The following GNPAT variants were observed in gnomAD, a reference collection of about 807,000 sequenced individuals.
GNPAT encodes glyceronephosphate O-acyltransferase, also known as dihydroxyacetone phosphate acyltransferase.
In GNPAT, 30 loss-of-function variants were observed where a neutral mutation model predicts 78.4. The observed-to-expected ratio is 0.38, with a 90% CI of 0.29 to 0.52. GNPAT has a LOEUF of 0.52. GNPAT is among the 20% of genes least tolerant of loss of function. The pLI is 0.84. For synonymous variants in GNPAT, 271 were observed against 281.1 expected, an observed-to-expected ratio of 0.96 and a Z score of 0.36; for missense variants, 714 against 812.2, an observed-to-expected ratio of 0.88 and a Z score of 1.47.
At chr1:231,247,178 C>T (rs897384154) in intron 1 of GNPAT, among the ~76,000 whole-genome samples, 3 of 151,922 alleles carry the variant, frequency 2.0e-5, no homozygotes, top group African/African-American at 7.2e-5. Flanking sequence ...AAAAAAAAAC[C>T]ACTGGATTCG....
At chr1:231,246,142 T>G (rs1249666873) in intron 1 of GNPAT, among the ~76,000 whole-genome samples, 1 of 152,212 alleles carries the variant, frequency 6.6e-6, no homozygotes, top group Non-Finnish European at 1.5e-5. Context: ...TGTATAACTG[T>G]GTGCTACTGC....
intron 3 of GNPAT, among the ~76,000 whole-genome samples, chr1:231,261,961 A>G (rs1052583839): frequency 3.3e-5 from 5 of 152,164 alleles, no homozygotes; most frequent in Non-Finnish European, 7.3e-5. Flanking sequence ...AGAATGTTAC[A>G]GTGTTTGGGA....
Position 231,262,807 on chromosome 1 carries a change from C to T in GNPAT, c.523C>T (p.Leu175=). ...TGACTTCCTCATGTTGTCTTTTCTTCTATACAATTATGATTTGCCTGTGCC... is the reference window on the plus strand; with the variant it reads ...TGACTTCCTCATGTTGTCTTTTCTTTTATACAATTATGATTTGCCTGTGCC... ...YIDFLMLSFL[L]YNYDLPVPVI... is the part of the protein sequence containing the mutation. The change falls in exon 4 of 16, where the codon CTA becomes TTA. Residue 175 remains leucine, a synonymous_variant. Coordinates refer to ENST00000366647, the MANE Select transcript of GNPAT (RefSeq NM_014236.4). The T allele has an allele frequency of 1.2e-6, 2 of 1,609,756 alleles. No individual in the cohort carries two copies. The highest frequency in any genetic ancestry group is 1.7e-6 in the Non-Finnish European group (2 of 1,176,060).
At chr1:231,264,833 T>G (rs1226700251) in intron 4 of GNPAT, among the ~76,000 whole-genome samples, 1 of 152,220 alleles carries the variant, frequency 6.6e-6, no homozygotes, top group East Asian at 1.9e-4. Context: ...CTAAAGACAT[T>G]GACATCATGA....
chr1:231,273,509 T>C (rs1035032778), intron 11 of GNPAT, among the ~76,000 whole-genome samples: 1 of 151,998 alleles, frequency 6.6e-6, no homozygotes, highest in Non-Finnish European at 1.5e-5. Flanking sequence ...CCTCAGCCTC[T>C]CAAAGTGCTG....
chr1:231,270,461 A>C (rs1049767584), intron 9 of GNPAT, among the ~76,000 whole-genome samples: 2 of 152,212 alleles, frequency 1.3e-5, no homozygotes, highest in Non-Finnish European at 2.9e-5. Context: ...CCTGAAGTAC[A>C]CAGAAGTGGT....
chr1:231,262,960 C>G, intron 4 of GNPAT, 108 bp downstream of exon 4: 1 of 832,324 alleles, frequency 1.2e-6, no homozygotes, highest in Non-Finnish European at 2.0e-6. Flanking sequence ...GCCTCTCCTC[C>G]TTTCTTCCAG....
chr1:231,273,037 A>G (rs945485981), intron 11 of GNPAT, among the ~76,000 whole-genome samples: 3 of 152,156 alleles, frequency 2.0e-5, no homozygotes, highest in African/African-American at 7.2e-5. Context: ...AGTTGTTAGA[A>G]TGAGTCACCC....
intron 3 of GNPAT, among the ~76,000 whole-genome samples, chr1:231,261,897 C>A (rs1685232703): frequency 6.6e-6 from 1 of 152,086 alleles, no homozygotes; most frequent in African/African-American, 2.4e-5. Context: ...TCAAATATTT[C>A]TTCTTCCTAC....
rs777554613 is a variant in GNPAT, at chr1:231,275,300, C to T, written c.1823C>T (p.Thr608Ile). 3 of 1,611,874 alleles carry T rather than the reference C, an allele frequency of 1.9e-6. No homozygotes were observed. In the African/African-American group the frequency reaches 4.0e-5, roughly 22 times the overall value. Reference protein sequence around the residue: ...EQYLAAVRKFTSQLLDQGTSQ... With the variant: ...EQYLAAVRKFISQLLDQGTSQ... ...TACTTGGCTGCAGTCAGAAAATTCACAAGTCAGCTTCTCGATCAAGGTCAG... is the reference window on the plus strand; with the variant it reads ...TACTTGGCTGCAGTCAGAAAATTCATAAGTCAGCTTCTCGATCAAGGTCAG... The change falls in exon 13 of 16, where the codon ACA (threonine) becomes ATA (isoleucine). Residue 608 changes from threonine (T) to isoleucine (I), a missense_variant. Coordinates refer to ENST00000366647, the MANE Select transcript of GNPAT (RefSeq NM_014236.4).
At chr1:231,241,563 C>T (rs1050777990) in intron 1 of GNPAT, 107 bp downstream of exon 1, 45 of 833,384 alleles carry the variant, frequency 5.4e-5, no homozygotes, top group Non-Finnish European at 1.6e-5. Flanking sequence ...AAGAGCTGGC[C>T]CCTAGGCTCC....
At chr1:231,251,434 G>A (rs768884371) in intron 2 of GNPAT, among the ~76,000 whole-genome samples, 2 of 152,046 alleles carry the variant, frequency 1.3e-5, no homozygotes, top group East Asian at 1.9e-4. Flanking sequence ...TAATTATAGG[G>A]GCAACTCATT....
intron 12 of GNPAT, chr1:231,274,852 G>T (rs762704808): frequency 7.0e-5 from 20 of 283,978 alleles, no homozygotes; most frequent in Non-Finnish European, 1.1e-4. Flanking sequence ...GTATTTTAGG[G>T]CATGGTACTT....
At chr1:231,250,802 CTT>C (rs1188983768) in intron 1 of GNPAT, among the ~76,000 whole-genome samples, 157 bp from the exon 2 acceptor site, 4 of 151,990 alleles carry the variant, frequency 2.6e-5, no homozygotes, top group African/African-American at 9.7e-5. Flanking sequence ...CTTTACATCT[CTT>C]TTTTTTACTA....
intron 1 of GNPAT, among the ~76,000 whole-genome samples, chr1:231,248,705 C>T (rs1018144892): frequency 2.0e-5 from 3 of 152,042 alleles, no homozygotes; most frequent in South Asian, 2.1e-4. Flanking sequence ...TGCATAACAA[C>T]GTTTTAGTCA....
rs1042711717 is a variant in GNPAT, at chr1:231,260,515, G to C, written c.270G>C (p.Lys90Asn). The C allele has an allele frequency of 1.9e-6, 3 of 1,606,852 alleles. No homozygotes were observed. The highest frequency in any genetic ancestry group is 3.3e-5 in the Admixed American group (2 of 59,996). Residue 90 changes from lysine to asparagine, a missense_variant, in exon 3 of 16, where the codon AAG becomes AAC. Transcript: ENST00000366647. ...TTTTCCTTTCCTTTTAGCTTTCCAA[G>C]GAATCCCTTCAATCTGTGGATGTCC... The part of the protein sequence containing the change: ...EIHYVIKQLS[K>N]ESLQSVDVLR...
chr1:231,260,385 A>G (rs1571944541), intron 2 of GNPAT, 122 bp from the exon 3 acceptor site: 2 of 756,114 alleles, frequency 2.6e-6, no homozygotes, highest in East Asian at 2.4e-5. Flanking sequence ...AATTAAGAAG[A>G]CACTATCTTT....
At chr1:231,265,663 T>G (rs1685360755) in intron 5 of GNPAT, 49 bp from the exon 6 acceptor site, 1 of 1,115,920 alleles carries the variant, frequency 9.0e-7, no homozygotes, top group African/African-American at 1.5e-5. Context: ...CATTTATCAT[T>G]TTGAGAGTAG....
At chr1:231,269,290 A>T (rs985924920) in intron 9 of GNPAT, among the ~76,000 whole-genome samples, 1 of 152,238 alleles carries the variant, frequency 6.6e-6, no homozygotes. Flanking sequence ...CAAGGCAGGG[A>T]TGAGGAATGC....
Sources: gnomAD v4.1 joint callset for allele counts (sites outside exome capture counted in the v4.1 genomes callset) on GRCh38, gnomAD v4.1.1 for gene constraint, MANE v1.5 for transcripts, NCBI Gene and HGNC (gene_info 2026-07-23, HGNC 2026-07-21) for gene names.